Variants in NRXN1 observed in about 807,000 individuals in gnomAD.
NRXN1 encodes the protein neurexin-1.
Under a neutral mutation model 150.9 loss-of-function variants are expected in NRXN1, and 39 were observed. The observed-to-expected ratio is 0.26, with a 90% CI of 0.20 to 0.34. The LOEUF is 0.34. Ranked by LOEUF, NRXN1 falls within the 10% of genes least tolerant of loss-of-function variation. NRXN1 has a pLI of 1.00. For synonymous variants in NRXN1, 924 were observed against 757.0 expected, an observed-to-expected ratio of 1.22 and a Z score of -3.62; for missense variants, 1,815 against 1,949.9, an observed-to-expected ratio of 0.93 and a Z score of 1.30.
chr2:51,023,998 C>A lies in NRXN1; in HGVS notation c.772+3504G>T, dbSNP rs552391075. On this transcript the variant is annotated intron_variant, in intron 2 of 22. Transcript: ENST00000401669. ...CAATGTGGGATTTTAATATACATGA[C>A]TCTAAAATGCACGAGACCTGGGGAT... 7.4e-4 allele frequency among the ~76,000 whole-genome samples: 113 copies of A among 152,236 alleles called. 1 individual carries two copies. Among genetic ancestry groups the A allele is most frequent in the African/African-American group, 2.6e-3 (107 of 41,558 alleles).
chr2:50,319,136 C>T (rs1354172303), intron 17 of NRXN1, among the ~76,000 whole-genome samples: 1 of 151,950 alleles, frequency 6.6e-6, no homozygotes, highest in Admixed American at 6.6e-5. Context: ...TTTTCTGAGT[C>T]ATATATTTGC....
chr2:49,962,039 G>A (rs1676053895), intron 21 of NRXN1, among the ~76,000 whole-genome samples: 1 of 151,978 alleles, frequency 6.6e-6, no homozygotes, highest in Non-Finnish European at 1.5e-5. Context: ...GTCCAGCCTG[G>A]GCAACATAGT....
intron 21 of NRXN1, among the ~76,000 whole-genome samples, chr2:49,968,534 G>A (rs976074477): frequency 6.6e-6 from 1 of 151,998 alleles, no homozygotes; most frequent in African/African-American, 2.4e-5. Flanking sequence ...GGATATTCTA[G>A]TACCCTCGGT....
intron 5 of NRXN1, among the ~76,000 whole-genome samples, chr2:50,626,138 G>T (rs944120967): frequency 1.3e-5 from 2 of 151,954 alleles, no homozygotes; most frequent in Non-Finnish European, 2.9e-5. Flanking sequence ...ATAATCTACA[G>T]AAATTATTTG....
At chr2:50,770,479 GTC>G (rs1178858914) in intron 5 of NRXN1, among the ~76,000 whole-genome samples, 1 of 151,908 alleles carries the variant, frequency 6.6e-6, no homozygotes, top group Admixed American at 6.6e-5. Flanking sequence ...ACTAAGGTGC[GTC>G]TCACAGGGAG....
At chr2:50,019,426 C>A (rs1303613452) in intron 21 of NRXN1, among the ~76,000 whole-genome samples, 1 of 150,848 alleles carries the variant, frequency 6.6e-6, no homozygotes, top group Non-Finnish European at 1.5e-5. Context: ...GGGTGGATCA[C>A]AAGGTCAGGA....
At chr2:50,217,101 T>C (rs1250034147) in intron 18 of NRXN1, among the ~76,000 whole-genome samples, 2 of 152,040 alleles carry the variant, frequency 1.3e-5, no homozygotes, top group African/African-American at 2.4e-5. Flanking sequence ...AAGGTAATTA[T>C]AAAGGAATCA....
chr2:50,837,638 T>C (rs1285388196), intron 5 of NRXN1, among the ~76,000 whole-genome samples: 1 of 152,106 alleles, frequency 6.6e-6, no homozygotes, highest in Admixed American at 6.5e-5. Context: ...CAACTTTACT[T>C]AACAATTATA....
chr2:50,929,190 C>G (rs190280732), intron 2 of NRXN1, among the ~76,000 whole-genome samples: 102 of 152,080 alleles, frequency 6.7e-4, no homozygotes, highest in African/African-American at 2.3e-3. Flanking sequence ...GTTTATCATT[C>G]CAGTGTTCTT....
chr2:50,441,634 A>G (rs2104453757), intron 17 of NRXN1, among the ~76,000 whole-genome samples: 1 of 152,296 alleles, frequency 6.6e-6, no homozygotes, highest in South Asian at 2.1e-4. Flanking sequence ...GAAACAACAA[A>G]TCGTCTGTAT....
At chr2:50,304,680 ATC>A (rs58763285) in intron 17 of NRXN1, among the ~76,000 whole-genome samples, 25,601 of 152,100 alleles carry the variant, frequency 0.17, 2,421 homozygotes, top group East Asian at 0.39. Context: ...CTCTAAATTT[ATC>A]TTTTACTATC....
chr2:50,130,792 TGAA>T (rs1443405494), intron 18 of NRXN1, among the ~76,000 whole-genome samples: 1 of 152,210 alleles, frequency 6.6e-6, no homozygotes, highest in Non-Finnish European at 1.5e-5. Flanking sequence ...TATCATCTGC[TGAA>T]GTAGTTCGGA....
At chr2:50,405,037 C>A (rs536558933) in intron 17 of NRXN1, among the ~76,000 whole-genome samples, 1 of 152,248 alleles carries the variant, frequency 6.6e-6, no homozygotes, top group South Asian at 2.1e-4. Context: ...ATAATCACCT[C>A]TTCCCCAACT....
In NRXN1 at chr2:50,552,638, C is replaced by T; in HGVS notation, c.1708G>A (p.Val570Met). The part of the protein sequence containing the change: ...TIKIKALLKK[V>M]NDGEWYHVDF... ...ACATGATACCATTCTCCATCATTCACTTTCTTCAACAGGGCTTTTATTTTT... is the reference window on the plus strand; with the variant it reads ...ACATGATACCATTCTCCATCATTCATTTTCTTCAACAGGGCTTTTATTTTT... The change falls in exon 9 of 23, where the codon GTG (valine) becomes ATG (methionine). Residue 570 changes from valine (V) to methionine (M), a missense_variant. By Grantham distance (21) the Val-to-Met change is conservative. Around this residue, in one of 6 missense-constraint regions of NRXN1, gnomAD observed 638 missense variants for 652.6 expected, o/e 0.98. Coordinates refer to ENST00000401669, the MANE Select transcript of NRXN1 (RefSeq NM_001330078.2). 3 of 1,613,948 alleles carry T rather than the reference C, an allele frequency of 1.9e-6. No homozygotes were observed. The highest frequency in any genetic ancestry group is 2.5e-6 in the Non-Finnish European group (3 of 1,179,840).
intron 18 of NRXN1, among the ~76,000 whole-genome samples, chr2:50,224,588 T>C (rs1574592038): frequency 6.6e-6 from 1 of 151,676 alleles, no homozygotes; most frequent in Admixed American, 6.6e-5. Flanking sequence ...TTAATTAAAA[T>C]AATTTTTACA....
At chr2:50,931,949 T>C (rs895472221) in intron 2 of NRXN1, among the ~76,000 whole-genome samples, 7 of 151,722 alleles carry the variant, frequency 4.6e-5, no homozygotes, top group Admixed American at 1.3e-4. Context: ...GCAGCCTCTG[T>C]CTCCTGGGTT....
At chr2:50,437,535 G>C (rs2085547629) in intron 17 of NRXN1, among the ~76,000 whole-genome samples, 1 of 152,166 alleles carries the variant, frequency 6.6e-6, no homozygotes, top group Non-Finnish European at 1.5e-5. Flanking sequence ...AATTGTAGCA[G>C]TATTACATGC....
At chr2:50,521,845 G>T (rs2092796857) in intron 12 of NRXN1, among the ~76,000 whole-genome samples, 1 of 152,056 alleles carries the variant, frequency 6.6e-6, no homozygotes, top group Non-Finnish European at 1.5e-5. Context: ...GGATCCAATT[G>T]GATCCAGCAA....
At chr2:50,544,732 C>A (rs1408431962) in intron 9 of NRXN1, among the ~76,000 whole-genome samples, 1 of 151,994 alleles carries the variant, frequency 6.6e-6, no homozygotes, top group Admixed American at 6.6e-5. Flanking sequence ...TCCAGCAATC[C>A]CAATTCTCAC....
Sources: gnomAD v4.1 joint callset for allele counts (sites outside exome capture counted in the v4.1 genomes callset) on GRCh38, gnomAD v4.1.1 for gene constraint, gnomAD v4.1.1 regional missense constraint, MANE v1.5 for transcripts, NCBI Gene and HGNC (gene_info 2026-07-23, HGNC 2026-07-21) for gene names.